GRID2: variants seen among roughly 807,000 people sequenced by gnomAD.
GRID2 encodes the protein glutamate ionotropic receptor delta type subunit 2, also known as glutamate receptor ionotropic, delta-2.
In GRID2, 33 loss-of-function variants were observed where a neutral mutation model predicts 114.8. The ratio of observed to expected loss-of-function variants is 0.29; its 90% CI spans 0.22 to 0.38. GRID2 has a LOEUF of 0.38. Among genes scored for constraint, GRID2 ranks in the 10% least tolerant of loss-of-function variants. The probability of loss-of-function intolerance (pLI) is 1.00; values close to 1 mark genes in which losing one functional copy is unlikely to be tolerated. For synonymous variants in GRID2, 505 were observed against 449.9 expected (o/e 1.12, Z -1.55); for missense variants, 1,184 against 1,257.7 (o/e 0.94, Z 0.89).
intron 1 of GRID2, among the ~76,000 whole-genome samples, chr4:92,542,626 G>T (rs1196939210): frequency 6.6e-6 from 1 of 151,814 alleles, no homozygotes; most frequent in African/African-American, 2.4e-5. Context: ...CTGGGGACTC[G>T]GTGGGAGGGT....
intron 8 of GRID2, among the ~76,000 whole-genome samples, chr4:93,308,801 T>C (rs1381183554): frequency 1.3e-5 from 2 of 152,212 alleles, no homozygotes; most frequent in Non-Finnish European, 2.9e-5. Flanking sequence ...AACTGAAGTG[T>C]TGCTTCCTTC....
chr4:92,554,012 A>T (rs1486558142), intron 1 of GRID2, among the ~76,000 whole-genome samples: 4 of 152,166 alleles, frequency 2.6e-5, no homozygotes, highest in Non-Finnish European at 4.4e-5. Context: ...GGATTTGGCC[A>T]AATATATTTC....
rs574323364 is a variant in GRID2 at position 93,354,774 on chromosome 4, ATATT to A, written c.1246-40829_1246-40826del. Among the ~76,000 whole-genome samples the A allele has an allele frequency of 9.7e-3, 1,347 of 139,540 alleles. 23 individuals carry two copies. The highest frequency in any genetic ancestry group is 0.032 in the African/African-American group (1,208 of 37,174). The allele number at this position is 139,540 out of a possible 152,430, so 91.5% of individuals were successfully genotyped here. On this transcript the variant is annotated intron_variant, in intron 8 of 15. Transcript: ENST00000282020. ...TATATGTAGTCTTTATGTATATGTA[ATATT>A]TATATATGAAGATTTATATATATAT...
chr4:93,048,042 G>A (rs1448744427), intron 2 of GRID2, among the ~76,000 whole-genome samples: 2 of 152,028 alleles, frequency 1.3e-5, no homozygotes, highest in Non-Finnish European at 2.9e-5. Flanking sequence ...TATATTGATG[G>A]CCCATAGGCT....
At chr4:92,857,208 A>G (rs758252264) in intron 2 of GRID2, among the ~76,000 whole-genome samples, 37 of 152,270 alleles carry the variant, frequency 2.4e-4, no homozygotes, top group Admixed American at 5.9e-4. Flanking sequence ...ACAATCCTAC[A>G]ATGATCTTTA....
chr4:92,625,474 T>C (rs935066469), intron 2 of GRID2, among the ~76,000 whole-genome samples: 1 of 151,792 alleles, frequency 6.6e-6, no homozygotes, highest in African/African-American at 2.4e-5. Context: ...AAGTAAGGGA[T>C]ATTTGAATTG....
intron 2 of GRID2, among the ~76,000 whole-genome samples, chr4:92,849,632 T>C (rs1251607166): frequency 6.6e-6 from 1 of 151,944 alleles, no homozygotes; most frequent in African/African-American, 2.4e-5. Context: ...TTTCAACTTA[T>C]AACATCTTTT....
intron 10 of GRID2, among the ~76,000 whole-genome samples, chr4:93,432,031 G>T (rs545056414): frequency 6.6e-6 from 1 of 152,266 alleles, no homozygotes; most frequent in South Asian, 2.1e-4. Context: ...AAAAATTGGA[G>T]ATTACGTATG....
Position 93,781,411 on chromosome 4 carries a change from TGGGCTGCGGTGAG to T in GRID2, c.221+11989_221+12001del, listed in dbSNP as rs754582863. On this transcript the variant is annotated intron_variant, in intron 1 of 1. Coordinates refer to the GRID2 transcript ENST00000637838. Reference sequence around the variant, plus strand: ...GGTGAGGGGCTGCGGTGAGGCCTACTGGGCTGCGGTGAGGGGCTGCGGTGAGGGGCTGCGGTGA... The same window carrying T: ...GGTGAGGGGCTGCGGTGAGGCCTACTGGGCTGCGGTGAGGGGCTGCGGTGA... Among the ~76,000 whole-genome samples the T allele has an allele frequency of 1.7e-3, 254 of 151,344 alleles. 2 individuals are homozygous for T. Among genetic ancestry groups the T allele is most frequent in the African/African-American group, 1.6e-3 (65 of 41,194 alleles).
chr4:92,865,788 C>G (rs1361243169), intron 2 of GRID2, among the ~76,000 whole-genome samples: 1 of 152,120 alleles, frequency 6.6e-6, no homozygotes, highest in Non-Finnish European at 1.5e-5. Context: ...GGCCATAAAG[C>G]ATATGTGTTT....
At chr4:92,674,884 A>AT (rs1428556385) in intron 2 of GRID2, among the ~76,000 whole-genome samples, 4 of 151,768 alleles carry the variant, frequency 2.6e-5, no homozygotes, top group African/African-American at 7.3e-5. Flanking sequence ...TGTTTTATTG[A>AT]TTTTTTTCCT....
intron 1 of GRID2, among the ~76,000 whole-genome samples, chr4:92,376,647 A>T (rs558842552): frequency 7.3e-6 from 1 of 137,364 alleles, no homozygotes; most frequent in African/African-American, 2.7e-5. Flanking sequence ...GTTCTTCATG[A>T]GAGGCCTGCC....
At chr4:93,148,111 T>G (rs62308252) in intron 4 of GRID2, among the ~76,000 whole-genome samples, 11,931 of 152,276 alleles carry the variant, frequency 0.078, 539 homozygotes, top group East Asian at 0.22. Flanking sequence ...GAAGCCATGA[T>G]GTGTGGCATA....
intron 8 of GRID2, among the ~76,000 whole-genome samples, chr4:93,371,441 T>C (rs569864802): frequency 4.7e-4 from 72 of 152,194 alleles, no homozygotes; most frequent in African/African-American, 1.7e-3. Flanking sequence ...ACTGTACTCA[T>C]ATTTAACAGT....
At chr4:92,307,212 G>T (rs1725453776) in intron 1 of GRID2, among the ~76,000 whole-genome samples, 1 of 152,010 alleles carries the variant, frequency 6.6e-6, no homozygotes, top group African/African-American at 2.4e-5. Context: ...TTCTTTAGGA[G>T]GTGTTGCCTT....
At chr4:93,358,357 G>A (rs565427444) in intron 8 of GRID2, among the ~76,000 whole-genome samples, 1 of 151,574 alleles carries the variant, frequency 6.6e-6, no homozygotes, top group Non-Finnish European at 1.5e-5. Context: ...ATTTTAAATT[G>A]GTACATTTTA....
At chr4:93,324,116 G>A (rs1438086475) in intron 8 of GRID2, among the ~76,000 whole-genome samples, 1 of 152,158 alleles carries the variant, frequency 6.6e-6, no homozygotes, top group African/African-American at 2.4e-5. Flanking sequence ...GGGCATCCCT[G>A]TCTTGTGCCA....
intron 1 of GRID2, among the ~76,000 whole-genome samples, chr4:92,458,750 G>C (rs1410296185): frequency 6.6e-6 from 1 of 152,158 alleles, no homozygotes; most frequent in Non-Finnish European, 1.5e-5. Flanking sequence ...TTATTAAGAA[G>C]TTGCTACATG....
intron 2 of GRID2, among the ~76,000 whole-genome samples, chr4:92,713,012 ATACTTT>A (rs1443806164): frequency 6.9e-6 from 1 of 145,526 alleles, no homozygotes; most frequent in Non-Finnish European, 1.5e-5. Flanking sequence ...TTTTTTTATT[ATACTTT>A]AAGTTTTAGG....
Sources: gnomAD v4.1 joint callset for allele counts (sites outside exome capture counted in the v4.1 genomes callset) on GRCh38, gnomAD v4.1.1 for gene constraint, MANE v1.5 for transcripts, NCBI Gene and HGNC (gene_info 2026-07-23, HGNC 2026-07-21) for gene names.